The following TBCD variants were observed in gnomAD, a reference collection of about 807,000 sequenced individuals.
TBCD encodes the protein tubulin folding cofactor D.
A neutral mutation model predicts 169.3 loss-of-function variants in TBCD; 105 were observed. The ratio of observed to expected loss-of-function variants is 0.62; its 90% CI spans 0.53 to 0.73. The LOEUF (loss-of-function observed/expected upper bound fraction) is 0.73. TBCD is among the 30% of genes least tolerant of loss of function. The pLI, the probability that TBCD is intolerant of heterozygous loss-of-function variation, is 0.00. For missense variants in TBCD, 1,444 were observed against 1,600.1 expected (o/e 0.90, Z 1.66); for synonymous variants, 700 against 643.9 (o/e 1.09, Z -1.32).
At chr17:82,909,475 G>C (rs1285488343) in intron 22 of TBCD, among the ~76,000 whole-genome samples, 168 bp downstream of exon 22, 1 of 146,490 alleles carries the variant, frequency 6.8e-6, no homozygotes, top group Non-Finnish European at 1.5e-5. Flanking sequence ...GGTCTGACCT[G>C]GTTGTGTGAT....
At chr17:82,934,717 C>T (rs1216074343) in intron 34 of TBCD, among the ~76,000 whole-genome samples, 1 of 152,028 alleles carries the variant, frequency 6.6e-6, no homozygotes, top group Non-Finnish European at 1.5e-5. Context: ...GGTGATCTGC[C>T]CACTTCTGCC....
rs1434826008 is a variant in TBCD, at chr17:82,930,124, G to A, written c.2992-398G>A. The A allele has an allele frequency of 1.4e-5, 4 of 277,152 alleles. No individual in the cohort carries two copies. The highest frequency in any genetic ancestry group is 5.0e-5 in the Admixed American group (1 of 19,868). 17.2% of individuals were successfully genotyped at this position (277,152 alleles called of 1,614,324 possible). A position where few individuals can be genotyped will look rare whatever the true frequency, so the allele number is the denominator to read the frequency against. On this transcript the variant is annotated intron_variant, in intron 32 of 38. Transcript: ENST00000355528. The surrounding 1 kb of genome is among the most constrained non-coding windows in gnomAD (Gnocchi z 5.2). ...CAGGACGTGAGGTGCCCTCTGCGCC[G>A]TGCGGGCGCGTGCGGGGAGACCCGG...
chr17:82,839,524 C>T (rs1189703677), intron 13 of TBCD, among the ~76,000 whole-genome samples: 1 of 150,586 alleles, frequency 6.6e-6, no homozygotes, highest in East Asian at 1.9e-4. Context: ...ATACACCACA[C>T]ATATAACCCT....
intron 13 of TBCD, among the ~76,000 whole-genome samples, chr17:82,836,125 C>T (rs980114359): frequency 5.3e-5 from 8 of 152,256 alleles, no homozygotes; most frequent in Non-Finnish European, 1.2e-4. Context: ...TCTTTATGGG[C>T]TCAGTCCCTA....
intron 12 of TBCD, among the ~76,000 whole-genome samples, chr17:82,810,855 G>A (rs72858329): frequency 4.5e-4 from 68 of 152,282 alleles, no homozygotes; most frequent in Non-Finnish European, 7.6e-4. Context: ...CTCCGGAGCC[G>A]TTCACAAAGC....
rs2047426364 is a variant in TBCD at position 82,756,788 on chromosome 17, TTTTTAGTTTACATTAGTTTATTA to T, written c.235+588_235+610del. Among the ~76,000 whole-genome samples, 5 of 152,118 alleles carry T rather than the reference TTTTTAGTTTACATTAGTTTATTA, an allele frequency of 3.3e-5. No homozygotes were observed. In the South Asian group the frequency reaches 1.0e-3, roughly 32 times the overall value. The stretch of plus-strand genomic sequence containing the variant: ...CCACCGCGCCTGGCCTCCTCAAGTG[TTTTTAGTTTACATTAGTTTATTA>T]TTTTAGTTTACATTTGGGCACATGA... On this transcript the variant is annotated intron_variant, in intron 2 of 38. Coordinates refer to ENST00000355528, the MANE Select transcript of TBCD (RefSeq NM_005993.5).
At chr17:82,937,730 G>A in intron 35 of TBCD, 2 of 778,176 alleles carry the variant, frequency 2.6e-6, no homozygotes, top group East Asian at 2.7e-5. Flanking sequence ...CTGGGCAGGT[G>A]CGCCAGCCAG....
chr17:82,857,485 C>A (rs1041061150), intron 13 of TBCD, among the ~76,000 whole-genome samples: 1 of 151,980 alleles, frequency 6.6e-6, no homozygotes, highest in Non-Finnish European at 1.5e-5. Context: ...GTTTTAATTC[C>A]CTCTTTTCAG....
Position 82,831,187 on chromosome 17 carries a change from G to A in TBCD, c.1318+16253G>A, listed in dbSNP as rs770955525. 96 of 1,614,034 alleles carry A rather than the reference G, an allele frequency of 5.9e-5. No individual in the cohort carries two copies. The Middle Eastern group carries it at 6.6e-4, about 11-fold the overall frequency. On this transcript the variant is annotated intron_variant, in intron 13 of 38. Transcript: ENST00000355528. The surrounding 1 kb of genome is among the most constrained non-coding windows in gnomAD (Gnocchi z 4.6). The stretch of plus-strand genomic sequence containing the variant: ...GTACAGGCCTTCGCAGGTCTGGCTC[G>A]TCTGCATGAAGTCGGTGGGGCTCGG...
At chr17:82,774,140 G>T (rs1228209207) in intron 6 of TBCD, among the ~76,000 whole-genome samples, 1 of 151,906 alleles carries the variant, frequency 6.6e-6, no homozygotes, top group East Asian at 1.9e-4. Context: ...TGGAGGGAAG[G>T]TCGCAGATAA....
chr17:82,823,900 C>A (rs1447684366), intron 13 of TBCD, among the ~76,000 whole-genome samples: 1 of 152,152 alleles, frequency 6.6e-6, no homozygotes, highest in Non-Finnish European at 1.5e-5. Flanking sequence ...AACTTCTCAT[C>A]ACCCCAGATT....
chr17:82,927,011 A>C, intron 28 of TBCD, 175 bp from the exon 29 acceptor site: 2 of 871,786 alleles, frequency 2.3e-6, no homozygotes, highest in Non-Finnish European at 3.4e-6. Flanking sequence ...ACCTCGGGGA[A>C]GCACGTCCCA....
intron 22 of TBCD, among the ~76,000 whole-genome samples, chr17:82,910,841 C>T (rs745883648): frequency 2.0e-5 from 3 of 152,216 alleles, no homozygotes; most frequent in African/African-American, 7.2e-5. Context: ...GCTGGGATTA[C>T]AGGCTGAGCC....
chr17:82,934,066 C>T (rs983755527), intron 34 of TBCD, among the ~76,000 whole-genome samples: 3 of 152,236 alleles, frequency 2.0e-5, no homozygotes, highest in African/African-American at 7.2e-5. Context: ...GGTTCGTCCC[C>T]AGCCTTGGAC....
intron 14 of TBCD, among the ~76,000 whole-genome samples, chr17:82,879,054 C>T (rs2058168200): frequency 8.2e-6 from 1 of 122,566 alleles, no homozygotes; most frequent in South Asian, 2.7e-4. Context: ...CAGCAAGATC[C>T]TGTTCTTTTT....
rs2053553065 is a variant in TBCD at position 82,831,924 on chromosome 17, C to T, written c.1318+16990C>T. On this transcript the variant is annotated intron_variant, in intron 13 of 38. Transcript: ENST00000355528. This position sits in a 1 kb window ranked among gnomAD's most constrained non-coding sequence, Gnocchi z 4.6. The stretch of plus-strand genomic sequence containing the variant: ...TGTGTAAAGCCAGTGTCTCGGGCGC[C>T]TCGGCGTTGTCTGGCCCCTTGAGTC... The T allele has an allele frequency of 1.9e-6, 3 of 1,614,212 alleles. No individual in the cohort carries two copies. The highest frequency in any genetic ancestry group is 3.3e-5 in the Admixed American group (2 of 60,030).
intron 37 of TBCD, among the ~76,000 whole-genome samples, chr17:82,941,172 G>T (rs989452263): frequency 6.4e-4 from 98 of 152,356 alleles, no homozygotes; most frequent in African/African-American, 2.3e-3. Flanking sequence ...GGCACCCCTT[G>T]TTGGGAAGGA....
At chr17:82,887,131 CTGTGTGTGTGTGTGTGTG>C (rs771003321) in intron 15 of TBCD, among the ~76,000 whole-genome samples, 1 of 123,364 alleles carries the variant, frequency 8.1e-6, no homozygotes, top group African/African-American at 3.4e-5. Flanking sequence ...TACCTGTACT[CTGTGTGTGTGTGTGTGTG>C]TGTGTGTGTG....
intron 25 of TBCD, 58 bp downstream of exon 25, chr17:82,921,635 C>A: frequency 6.5e-7 from 1 of 1,533,256 alleles, no homozygotes; most frequent in Non-Finnish European, 9.0e-7. Context: ...GTGTTAGTCA[C>A]GGATGGTGTT....
Sources: allele counts gnomAD v4.1 joint callset (sites outside exome capture counted in the v4.1 genomes callset), GRCh38; gene constraint gnomAD v4.1.1; non-coding constraint Gnocchi (gnomAD v3.1); transcripts MANE v1.5; gene names NCBI Gene and HGNC (gene_info 2026-07-23, HGNC 2026-07-21).